PCDH7: variants seen among roughly 807,000 people sequenced by gnomAD.
PCDH7 encodes the protein protocadherin-7.
A neutral mutation model predicts 58.9 loss-of-function variants in PCDH7; 17 were observed. The observed-to-expected ratio is 0.29, with a 90% CI of 0.20 to 0.43. The LOEUF is 0.43. Ranked by LOEUF, PCDH7 falls within the 20% of genes least tolerant of loss-of-function variation. The pLI is 1.00. For synonymous variants in PCDH7, 664 were observed against 616.4 expected, an observed-to-expected ratio of 1.08 and a Z score of -1.14; for missense variants, 1,274 against 1,441.0, an observed-to-expected ratio of 0.88 and a Z score of 1.88.
chr4:31,142,152 T>C (rs1720338933), intron 3 of PCDH7, among the ~76,000 whole-genome samples: 1 of 152,118 alleles, frequency 6.6e-6, no homozygotes. Context: ...CAAATTTACC[T>C]ATGTATTTAG....
At chr4:30,935,268 G>T in intron 2 of PCDH7, 2 of 790,410 alleles carry the variant, frequency 2.5e-6, no homozygotes, top group Non-Finnish European at 3.1e-6. Flanking sequence ...GACTTGCAAT[G>T]TTCATAATAT....
chr4:30,831,374 C>A (rs1729754052), intron 1 of PCDH7, among the ~76,000 whole-genome samples: 1 of 152,046 alleles, frequency 6.6e-6, no homozygotes, highest in South Asian at 2.1e-4. Context: ...ATAGTCTTGG[C>A]CTTTACTAGC....
chr4:30,811,493 G>A (rs952738529), intron 1 of PCDH7, among the ~76,000 whole-genome samples: 6 of 152,146 alleles, frequency 3.9e-5, no homozygotes, highest in Admixed American at 1.3e-4. Context: ...GGATGCTAAT[G>A]AAGTGCTATG....
intron 3 of PCDH7, among the ~76,000 whole-genome samples, chr4:30,965,820 G>T (rs1007711903): frequency 3.3e-5 from 5 of 151,894 alleles, no homozygotes; most frequent in African/African-American, 1.2e-4. Context: ...AGCAGAAAAG[G>T]TTTAAAATAT....
intron 3 of PCDH7, among the ~76,000 whole-genome samples, chr4:31,072,042 G>C (rs764127071): frequency 4.0e-5 from 6 of 151,868 alleles, no homozygotes; most frequent in Non-Finnish European, 7.4e-5. Context: ...ATTTTCTTTG[G>C]AAGACAGTGT....
rs568042738 is a variant in PCDH7 at position 31,080,239 on chromosome 4, C to A, written c.*8-62234C>A. Among the ~76,000 whole-genome samples, 60 of 151,768 alleles carry A rather than the reference C, an allele frequency of 4.0e-4. 1 individual carries two copies. In the South Asian group the frequency reaches 0.012, roughly 29 times the overall value. ...AAATGTCACCTGATTTTGCTTCTTT[C>A]CCCCTACAAATCTGTAGATATTCTT... On this transcript the variant is annotated intron_variant, in intron 3 of 3. Coordinates refer to the PCDH7 transcript ENST00000509759.
intron 1 of PCDH7, among the ~76,000 whole-genome samples, chr4:30,831,559 T>C (rs910384246): frequency 2.0e-5 from 3 of 152,070 alleles, no homozygotes; most frequent in Non-Finnish European, 4.4e-5. Flanking sequence ...ATTATGTAAA[T>C]ACACCACAAA....
intron 3 of PCDH7, among the ~76,000 whole-genome samples, chr4:31,086,420 A>C (rs999842096): frequency 6.6e-6 from 1 of 152,170 alleles, no homozygotes; most frequent in Non-Finnish European, 1.5e-5. Flanking sequence ...GCACACCATA[A>C]CCTCATCTCA....
chr4:30,902,932 T>A (rs1740425578), intron 1 of PCDH7, among the ~76,000 whole-genome samples: 1 of 152,142 alleles, frequency 6.6e-6, no homozygotes. Flanking sequence ...AAGAAAAGGA[T>A]AAATGAAATA....
intron 1 of PCDH7, among the ~76,000 whole-genome samples, chr4:30,772,571 T>G (rs967914187): frequency 6.6e-6 from 1 of 152,204 alleles, no homozygotes; most frequent in Non-Finnish European, 1.5e-5. Flanking sequence ...TCAGCTTGGT[T>G]AAGAGTTGAC....
At chr4:30,840,875 T>C (rs1300736768) in intron 1 of PCDH7, among the ~76,000 whole-genome samples, 2 of 151,768 alleles carry the variant, frequency 1.3e-5, no homozygotes, top group Non-Finnish European at 2.9e-5. Context: ...GTTGCTCTCA[T>C]ATAATTTCTT....
intron 1 of PCDH7, among the ~76,000 whole-genome samples, chr4:30,874,217 A>G (rs1342501473): frequency 6.6e-6 from 1 of 151,946 alleles, no homozygotes; most frequent in Admixed American, 6.6e-5. Context: ...AGGACTATAA[A>G]TCATGCTGCT....
intron 3 of PCDH7, among the ~76,000 whole-genome samples, chr4:30,962,834 T>C (rs768822274): frequency 1.3e-5 from 2 of 150,792 alleles, no homozygotes; most frequent in Non-Finnish European, 3.0e-5. Flanking sequence ...AGTGAAGTGT[T>C]GATACACTTG....
intron 3 of PCDH7, among the ~76,000 whole-genome samples, chr4:31,060,236 A>AGAG (rs1757577452): frequency 6.6e-6 from 1 of 151,806 alleles, no homozygotes; most frequent in South Asian, 2.1e-4. Flanking sequence ...TTATGAAAGT[A>AGAG]GATATCTTTG....
intron 1 of PCDH7, among the ~76,000 whole-genome samples, chr4:30,840,651 G>C (rs908993355): frequency 6.6e-6 from 1 of 152,104 alleles, no homozygotes; most frequent in Non-Finnish European, 1.5e-5. Context: ...AAATTCTCAA[G>C]TTACAGGATT....
intron 1 of PCDH7, among the ~76,000 whole-genome samples, chr4:30,893,937 A>G (rs1738943925): frequency 6.6e-6 from 1 of 152,122 alleles, no homozygotes; most frequent in South Asian, 2.1e-4. Context: ...TCTGTCAAAT[A>G]TGGTACAGGG....
At chr4:30,987,413 G>T (rs1162154681) in intron 3 of PCDH7, among the ~76,000 whole-genome samples, 1 of 151,660 alleles carries the variant, frequency 6.6e-6, no homozygotes, top group Admixed American at 6.6e-5. Flanking sequence ...ACGTCAAGTT[G>T]GCTCCATGAA....
chr4:31,085,138 G>A (rs1712221859), intron 3 of PCDH7, among the ~76,000 whole-genome samples: 1 of 152,046 alleles, frequency 6.6e-6, no homozygotes, highest in African/African-American at 2.4e-5. Flanking sequence ...TTGATGGGTA[G>A]GGGAAAGCCA....
chr4:30,828,723 G>C (rs895809187), intron 1 of PCDH7, among the ~76,000 whole-genome samples: 1 of 151,902 alleles, frequency 6.6e-6, no homozygotes, highest in East Asian at 1.9e-4. Flanking sequence ...TTCTCTACTC[G>C]CAATATACAC....
Sources: gnomAD v4.1 joint callset for allele counts (sites outside exome capture counted in the v4.1 genomes callset) on GRCh38, gnomAD v4.1.1 for gene constraint, MANE v1.5 for transcripts, NCBI Gene and HGNC (gene_info 2026-07-23, HGNC 2026-07-21) for gene names.